NDUFAF2: variants seen among roughly 807,000 people sequenced by gnomAD.
The protein encoded by NDUFAF2 is NADH dehydrogenase [ubiquinone] 1 alpha subcomplex assembly factor 2.
Under a neutral mutation model 22.8 loss-of-function variants are expected in NDUFAF2, and 13 were observed. The ratio of observed to expected loss-of-function variants is 0.57; its 90% CI spans 0.37 to 0.91. The LOEUF is 0.91. Among genes scored for constraint, NDUFAF2 ranks in the 40% least tolerant of loss-of-function variants. NDUFAF2 has a pLI of 0.01. For missense variants in NDUFAF2, 162 were observed against 195.2 expected (o/e 0.83, Z 1.01); for synonymous variants, 53 against 64.2 (o/e 0.83, Z 0.84).
chr5:61,065,849 A>G (rs951744125), intron 1 of NDUFAF2, among the ~76,000 whole-genome samples: 1 of 152,098 alleles, frequency 6.6e-6, no homozygotes, highest in Non-Finnish European at 1.5e-5. Flanking sequence ...AGCAAGATCA[A>G]TCAGATAAGA....
At chr5:61,114,041 C>T (rs530446305) in intron 3 of NDUFAF2, among the ~76,000 whole-genome samples, 2 of 152,190 alleles carry the variant, frequency 1.3e-5, no homozygotes, top group South Asian at 4.1e-4. Flanking sequence ...TATTCTATAA[C>T]CTTTTTATAC....
At chr5:61,023,525 T>C (rs1751612465) in intron 1 of NDUFAF2, among the ~76,000 whole-genome samples, 1 of 152,176 alleles carries the variant, frequency 6.6e-6, no homozygotes, top group African/African-American at 2.4e-5. Flanking sequence ...AAGTCCAGTA[T>C]AGTATGTGAG....
At chr5:61,009,947 C>T (rs576540147) in intron 1 of NDUFAF2, among the ~76,000 whole-genome samples, 1 of 152,238 alleles carries the variant, frequency 6.6e-6, no homozygotes, top group South Asian at 2.1e-4. Flanking sequence ...GATGCCACTT[C>T]CAGCTAGATG....
intron 3 of NDUFAF2, among the ~76,000 whole-genome samples, chr5:61,127,082 C>T (rs554821932): frequency 6.6e-6 from 1 of 152,168 alleles, no homozygotes; most frequent in South Asian, 2.1e-4. Context: ...CAAGACTAAA[C>T]CAGGAAGAAG....
chr5:61,054,632 C>T (rs982001783), intron 1 of NDUFAF2, among the ~76,000 whole-genome samples: 2 of 152,154 alleles, frequency 1.3e-5, no homozygotes, highest in African/African-American at 4.8e-5. Flanking sequence ...TAATTGGTAC[C>T]AGCAACAAAA....
At chr5:61,016,187 A>AT (rs2112600537) in intron 1 of NDUFAF2, among the ~76,000 whole-genome samples, 2 of 97,626 alleles carry the variant, frequency 2.0e-5, no homozygotes, top group East Asian at 3.0e-3. Context: ...TCTATCTAAA[A>AT]AAAAAATATA....
At chr5:61,078,854 A>C (rs993602116) in intron 2 of NDUFAF2, among the ~76,000 whole-genome samples, 3 of 152,172 alleles carry the variant, frequency 2.0e-5, no homozygotes, top group Admixed American at 2.0e-4. Context: ...AGTTTAATTC[A>C]TGGCATTATT....
At chr5:61,005,014 T>C (rs1312633460) in intron 1 of NDUFAF2, among the ~76,000 whole-genome samples, 1 of 152,134 alleles carries the variant, frequency 6.6e-6, no homozygotes, top group Non-Finnish European at 1.5e-5. Flanking sequence ...TGTATACATG[T>C]GCCATGTTGG....
chr5:60,948,560 T>G (rs867283342), intron 1 of NDUFAF2, among the ~76,000 whole-genome samples: 34 of 151,736 alleles, frequency 2.2e-4, no homozygotes, highest in Middle Eastern at 6.8e-3. Context: ...GCTTTTTTTT[T>G]TTTTTGTTTT....
intron 3 of NDUFAF2, chr5:61,115,795 A>T (rs1056638243): frequency 1.3e-5 from 2 of 152,164 alleles, no homozygotes; most frequent in African/African-American, 4.8e-5. Context: ...TTTGAAGAGG[A>T]ACCTTATTAA....
At chr5:61,133,579 T>TA (rs1440364662) in intron 3 of NDUFAF2, among the ~76,000 whole-genome samples, 2 of 151,994 alleles carry the variant, frequency 1.3e-5, no homozygotes, top group African/African-American at 2.4e-5. Flanking sequence ...ATAAGCAATT[T>TA]AAAAAAAGGA....
At chr5:61,035,865 T>G (rs1751794327) in intron 1 of NDUFAF2, among the ~76,000 whole-genome samples, 1 of 152,186 alleles carries the variant, frequency 6.6e-6, no homozygotes, top group Non-Finnish European at 1.5e-5. Flanking sequence ...AGCAAAAATT[T>G]TCATAAGCTG....
chr5:60,972,958 C>T (rs1030405905), intron 1 of NDUFAF2, among the ~76,000 whole-genome samples: 21 of 151,756 alleles, frequency 1.4e-4, no homozygotes, highest in African/African-American at 4.8e-4. Context: ...TTAATTCTCA[C>T]CCATTTTTTT....
intron 1 of NDUFAF2, among the ~76,000 whole-genome samples, chr5:61,042,583 A>G (rs1297443964): frequency 6.6e-6 from 1 of 152,174 alleles, no homozygotes; most frequent in Non-Finnish European, 1.5e-5. Flanking sequence ...ATGGGACTGC[A>G]TGAGGGAGTT....
chr5:61,009,148 CA>C (rs1430916769), intron 1 of NDUFAF2, among the ~76,000 whole-genome samples: 2 of 151,996 alleles, frequency 1.3e-5, no homozygotes, highest in African/African-American at 2.4e-5. Context: ...ATATTTTCTA[CA>C]TTTTGTAAAA....
intron 1 of NDUFAF2, among the ~76,000 whole-genome samples, chr5:61,033,747 A>G (rs1751757690): frequency 6.6e-6 from 1 of 152,146 alleles, no homozygotes; most frequent in South Asian, 2.1e-4. Flanking sequence ...AAGTCCGAAC[A>G]GGGATAAACC....
intron 3 of NDUFAF2, among the ~76,000 whole-genome samples, chr5:61,144,479 TC>T (rs1741106163): frequency 6.6e-6 from 1 of 152,222 alleles, no homozygotes; most frequent in South Asian, 2.1e-4. Flanking sequence ...CAGATAATAT[TC>T]CTAAAAAATA....
chr5:61,047,432 G>A (rs969272287), intron 1 of NDUFAF2, among the ~76,000 whole-genome samples: 1 of 152,028 alleles, frequency 6.6e-6, no homozygotes, highest in Non-Finnish European at 1.5e-5. Flanking sequence ...AAAAGTTTAA[G>A]TTGATTTGTT....
chr5:60,984,387 A>G (rs1219527427), intron 1 of NDUFAF2, among the ~76,000 whole-genome samples: 1 of 151,954 alleles, frequency 6.6e-6, no homozygotes, highest in East Asian at 1.9e-4. Context: ...AATGCCCTTT[A>G]TTTCCTTCTC....
Sources: gnomAD v4.1 joint callset for allele counts (sites outside exome capture counted in the v4.1 genomes callset) on GRCh38, gnomAD v4.1.1 for gene constraint, MANE v1.5 for transcripts, NCBI Gene and HGNC (gene_info 2026-07-23, HGNC 2026-07-21) for gene names.